The following PSD3 variants were observed in gnomAD, a reference collection of about 807,000 sequenced individuals.
PSD3 encodes pleckstrin and Sec7 domain containing 3, also known as PH and SEC7 domain-containing protein 3.
Under a neutral mutation model 105.5 loss-of-function variants are expected in PSD3, and 49 were observed. The ratio of observed to expected loss-of-function variants is 0.46; its 90% CI spans 0.37 to 0.59. The LOEUF (loss-of-function observed/expected upper bound fraction) is 0.59. Among genes scored for constraint, PSD3 ranks in the 20% least tolerant of loss-of-function variants. PSD3 has a pLI of 0.00. For missense variants in PSD3, 1,561 were observed against 1,263.8 expected, an observed-to-expected ratio of 1.24 and a Z score of -3.57; for synonymous variants, 557 against 457.8, an observed-to-expected ratio of 1.22 and a Z score of -2.77.
At chr8:18,766,287 C>A (rs1274110986) in intron 8 of PSD3, among the ~76,000 whole-genome samples, 1 of 151,938 alleles carries the variant, frequency 6.6e-6, no homozygotes, top group Non-Finnish European at 1.5e-5. Flanking sequence ...TGAGTCGAGA[C>A]TGCACTACTA....
chr8:19,014,576 G>A (rs573776569), upstream of PSD3: 71 of 152,434 alleles, frequency 4.7e-4, no homozygotes, highest in African/African-American at 1.7e-3. This position sits in a 1 kb window ranked among gnomAD's most constrained non-coding sequence, Gnocchi z 4.9. Flanking sequence ...GTAGATCCAA[G>A]CACCTGGAGG....
At chr8:18,666,724 T>TGC (rs1799485411) in intron 9 of PSD3, among the ~76,000 whole-genome samples, 1 of 136,316 alleles carries the variant, frequency 7.3e-6, no homozygotes, top group Non-Finnish European at 1.5e-5. Flanking sequence ...TGCTTTTTTT[T>TGC]GGGGGGTGGG....
At chr8:18,967,039 A>G (rs763441566) in intron 1 of PSD3, among the ~76,000 whole-genome samples, 1 of 152,046 alleles carries the variant, frequency 6.6e-6, no homozygotes, top group Non-Finnish European at 1.5e-5. Flanking sequence ...CCTGGTCCAA[A>G]CCATTCCAGG....
chr8:19,014,049 C>G (rs1034941478), upstream of PSD3: 1 of 153,294 alleles, frequency 6.5e-6, no homozygotes, highest in Non-Finnish European at 1.4e-5. The surrounding 1 kb of genome is among the most constrained non-coding windows in gnomAD (Gnocchi z 4.9). Flanking sequence ...CTCCAGCCCG[C>G]GAGCGAAAAC....
At chr8:18,542,332 G>A (rs1473909066) in intron 15 of PSD3, among the ~76,000 whole-genome samples, 1 of 152,158 alleles carries the variant, frequency 6.6e-6, no homozygotes, top group Non-Finnish European at 1.5e-5. Flanking sequence ...TAAAGTATCA[G>A]GAGCTCATTT....
chr8:18,990,275 C>T (rs891624960), intron 1 of PSD3, among the ~76,000 whole-genome samples: 1 of 152,232 alleles, frequency 6.6e-6, no homozygotes, highest in Non-Finnish European at 1.5e-5. Flanking sequence ...TCCAGGTACC[C>T]TCCTTTAGCC....
At chr8:19,075,170 ACTC>A (rs2129478122) in intron 1 of PSD3, among the ~76,000 whole-genome samples, 1 of 145,916 alleles carries the variant, frequency 6.9e-6, no homozygotes, top group East Asian at 2.1e-4. Context: ...CTGGCCTCGA[ACTC>A]CGGACTTCAA....
intron 9 of PSD3, chr8:18,730,479 T>C (rs1198558911): frequency 6.6e-6 from 1 of 152,192 alleles, no homozygotes; most frequent in Non-Finnish European, 1.5e-5. Context: ...TGCCTTATAG[T>C]TGAACTAGCA....
At chr8:18,863,958 T>C (rs1355879090) in intron 4 of PSD3, among the ~76,000 whole-genome samples, 1 of 152,130 alleles carries the variant, frequency 6.6e-6, no homozygotes, top group Non-Finnish European at 1.5e-5. Context: ...TCCCAACCTC[T>C]TGCACCTTTC....
At chr8:19,023,213 A>G (rs918978571) in intron 1 of PSD3, among the ~76,000 whole-genome samples, 1 of 152,170 alleles carries the variant, frequency 6.6e-6, no homozygotes, top group Non-Finnish European at 1.5e-5. Context: ...ATATTCAGGC[A>G]CTTTGTATTT....
Position 19,013,631 on chromosome 8 carries a change from CG to C in PSD3, c.-49del. The C allele has an allele frequency of 7.5e-7, 1 of 1,336,388 alleles. No individual in the cohort carries two copies. The highest frequency in any genetic ancestry group is 9.5e-7 in the Non-Finnish European group (1 of 1,051,678). The allele number at this position is 1,336,388 out of a possible 1,614,324, so 82.8% of individuals were successfully genotyped here. ...GCGCCGAAACCGCCGCCGGGCGCTCCGGGGCCGCAGCCTCAGGGCGCGAGTG... is the reference window on the plus strand; with the variant it reads ...GCGCCGAAACCGCCGCCGGGCGCTCCGGGCCGCAGCCTCAGGGCGCGAGTG... On this transcript the variant is annotated 5_prime_UTR_variant, in exon 1 of 16. Coordinates refer to ENST00000327040, the MANE Select transcript of PSD3 (RefSeq NM_015310.4).
intron 9 of PSD3, among the ~76,000 whole-genome samples, chr8:18,721,741 T>A (rs1210190557): frequency 6.6e-6 from 1 of 152,212 alleles, no homozygotes; most frequent in African/African-American, 2.4e-5. Flanking sequence ...TGTAACTGTT[T>A]ACTAAATCGT....
At chr8:18,546,633 T>C (rs367682966) in intron 15 of PSD3, among the ~76,000 whole-genome samples, 1 of 152,240 alleles carries the variant, frequency 6.6e-6, no homozygotes, top group African/African-American at 2.4e-5. Context: ...TTATTCATTA[T>C]GTTGAGAATA....
intron 15 of PSD3, among the ~76,000 whole-genome samples, chr8:18,541,059 C>T (rs183372401): frequency 6.6e-6 from 1 of 151,928 alleles, no homozygotes; most frequent in African/African-American, 2.4e-5. Flanking sequence ...ACACTGAGGC[C>T]TTCCCTGGCC....
chr8:18,971,298 A>C (rs1299787259), intron 1 of PSD3, among the ~76,000 whole-genome samples: 1 of 152,184 alleles, frequency 6.6e-6, no homozygotes, highest in Non-Finnish European at 1.5e-5. Flanking sequence ...GGCAAAGCTC[A>C]GCCAAGGTCC....
At chr8:18,611,321 G>T (rs1805248869) in intron 11 of PSD3, among the ~76,000 whole-genome samples, 1 of 151,928 alleles carries the variant, frequency 6.6e-6, no homozygotes, top group African/African-American at 2.4e-5. Flanking sequence ...GGAAGACATG[G>T]AATCAAAATG....
chr8:19,005,339 A>G (rs1826622279), intron 1 of PSD3, among the ~76,000 whole-genome samples: 1 of 152,074 alleles, frequency 6.6e-6, no homozygotes, highest in South Asian at 2.1e-4. Context: ...CAGCTACAAA[A>G]GGCCACATTT....
rs1799727713 is a variant in PSD3 at position 18,533,921 on chromosome 8, G to GT, written c.*1821_*1822insA. The GT allele has an allele frequency of 1.2e-5, 1 of 82,844 alleles. No individual in the cohort carries two copies. The highest frequency in any genetic ancestry group is 1.6e-4 in the Admixed American group (1 of 6,214). The allele number at this position is 82,844 out of a possible 1,614,324, so 5.1% of individuals were successfully genotyped here. Reference sequence around the variant, plus strand: ...AAACAAGGCAGAGAGTTAAAAGTGAGGTTTTTTTTTTTACAGGTGTGGCAA... The same window carrying GT: ...AAACAAGGCAGAGAGTTAAAAGTGAGTGTTTTTTTTTTTACAGGTGTGGCAA... On this transcript the variant is annotated 3_prime_UTR_variant, in exon 16 of 16. Transcript: ENST00000327040.
At chr8:19,039,045 C>T (rs73596672) in intron 1 of PSD3, among the ~76,000 whole-genome samples, 4,868 of 152,134 alleles carry the variant, frequency 0.032, 256 homozygotes, top group African/African-American at 0.11. Context: ...TCTTAATCCC[C>T]GGCAATTTGA....
Sources: allele counts gnomAD v4.1 joint callset (sites outside exome capture counted in the v4.1 genomes callset), GRCh38; gene constraint gnomAD v4.1.1; non-coding constraint Gnocchi (gnomAD v3.1); transcripts MANE v1.5; gene names NCBI Gene and HGNC (gene_info 2026-07-23, HGNC 2026-07-21).